The following ABCA5 variants were observed in gnomAD, a reference collection of about 807,000 sequenced individuals.
The protein encoded by ABCA5 is cholesterol transporter ABCA5.
In ABCA5, 163 loss-of-function variants were observed where a neutral mutation model predicts 206.0. The observed-to-expected ratio is 0.79, with a 90% CI of 0.70 to 0.90. The LOEUF (loss-of-function observed/expected upper bound fraction) is 0.90. Ranked by LOEUF, ABCA5 falls within the 40% of genes least tolerant of loss-of-function variation. The pLI, the probability that ABCA5 is intolerant of heterozygous loss-of-function variation, is 0.00. For synonymous variants in ABCA5, 609 were observed against 613.8 expected, an observed-to-expected ratio of 0.99 and a Z score of 0.11; for missense variants, 1,859 against 1,912.9, an observed-to-expected ratio of 0.97 and a Z score of 0.53.
At chr17:69,286,062 T>A (rs1203791764) in intron 16 of ABCA5, 25 bp from the exon 17 acceptor site, 14 of 1,594,952 alleles carry the variant, frequency 8.8e-6, no homozygotes, top group Non-Finnish European at 1.2e-5. Flanking sequence ...AAATCACAAT[T>A]AATGATTATA....
At chr17:69,265,115 T>G (rs983868752) in intron 23 of ABCA5, among the ~76,000 whole-genome samples, 2 of 152,074 alleles carry the variant, frequency 1.3e-5, no homozygotes, top group Non-Finnish European at 2.9e-5. Context: ...ATGTAACAAT[T>G]TCAACAAAAT....
chr17:69,287,498 G>A, intron 15 of ABCA5, 115 bp downstream of exon 15: 1 of 1,345,276 alleles, frequency 7.4e-7, no homozygotes. Context: ...TTTTGTGAAG[G>A]AAACATACCA....
rs1231269768 is a variant in ABCA5 at position 69,286,106 on chromosome 17, T to C, written c.2133-69A>G. On this transcript the variant is annotated intron_variant, in intron 16 of 38. Transcript: ENST00000392676. ...AGCCAAAAGTAAATTATGAAGGCTTTAAATTAAATTTAGTACCATAAATGA... is the reference window on the plus strand; with the variant it reads ...AGCCAAAAGTAAATTATGAAGGCTTCAAATTAAATTTAGTACCATAAATGA... The C allele has an allele frequency of 3.2e-6, 5 of 1,562,846 alleles. No individual in the cohort carries two copies. In the Admixed American group the frequency reaches 7.7e-5, roughly 24 times the overall value.
chr17:69,303,798 A>ATATATATATACATACATATATATATATG (rs2075680223), intron 7 of ABCA5, among the ~76,000 whole-genome samples: 1 of 7,644 alleles, frequency 1.3e-4, no homozygotes, highest in African/African-American at 1.5e-4. Flanking sequence ...ATATATATAT[A>ATATATATATACATACATATATATATATG]TATATATATA....
intron 9 of ABCA5, among the ~76,000 whole-genome samples, chr17:69,300,408 G>C (rs2145007923): frequency 6.6e-6 from 1 of 152,284 alleles, no homozygotes; most frequent in Admixed American, 6.5e-5. Flanking sequence ...CTCACAGGCA[G>C]CTAGTAAGAT....
intron 11 of ABCA5, among the ~76,000 whole-genome samples, chr17:69,294,331 T>C (rs1038528839): frequency 3.9e-5 from 6 of 152,104 alleles, no homozygotes; most frequent in Non-Finnish European, 5.9e-5. Flanking sequence ...GAGACCAGCC[T>C]GGCCAACTTG....
rs553651672 is a variant in ABCA5, at chr17:69,301,255, G to A, written c.1151C>T (p.Ala384Val). Residue 384 changes from alanine (A) to valine (V), a missense_variant, in exon 9 of 39, where the codon GCT becomes GTT. Ala to Val is a moderately conservative substitution (Grantham distance 64). Coordinates refer to ENST00000392676, the MANE Select transcript of ABCA5 (RefSeq NM_172232.4). ...VMHLEDFNEGASFSNLTAGPY... is the reference protein window; with the variant it reads ...VMHLEDFNEGVSFSNLTAGPY... ...GCCTGCAGTCAAATTTGAAAATGAA[G>A]CACCTTCATTAAAATCTTCTAAATG... 2 of 1,594,970 alleles carry A rather than the reference G, an allele frequency of 1.3e-6. No individual in the cohort carries two copies. The highest frequency in any genetic ancestry group is 1.7e-6 in the Non-Finnish European group (2 of 1,175,536).
Position 69,318,240 on chromosome 17 carries a change from G to A in ABCA5, c.-15-3810C>T, listed in dbSNP as rs533652182. The stretch of plus-strand genomic sequence containing the variant: ...CTCCCAAGTAACTGGGATTACAGGC[G>A]CCTGCCACCATGCTCAGCTAATTTT... On this transcript the variant is annotated intron_variant, in intron 1 of 38. Transcript: ENST00000392676. Among the ~76,000 whole-genome samples, 18 of 151,876 alleles carry A rather than the reference G, an allele frequency of 1.2e-4. No homozygotes were observed. In the South Asian group the frequency reaches 1.5e-3, roughly 12 times the overall value.
intron 20 of ABCA5, among the ~76,000 whole-genome samples, chr17:69,273,542 G>A (rs866701542): frequency 4.0e-5 from 6 of 151,612 alleles, no homozygotes; most frequent in Non-Finnish European, 5.9e-5. Flanking sequence ...TGCAACCTCC[G>A]CCTCCCGGGT....
At chr17:69,268,264 T>C (rs1308069637) in intron 22 of ABCA5, among the ~76,000 whole-genome samples, 1 of 152,128 alleles carries the variant, frequency 6.6e-6, no homozygotes, top group African/African-American at 2.4e-5. Context: ...CTGCCACTTA[T>C]TAATAACTAT....
At position 69,308,301 on chromosome 17, in the gene ABCA5, G is replaced by A. The variant is rs775791059; in HGVS notation, c.537C>T (p.Ser179=). 8 of 1,606,472 alleles carry A rather than the reference G, an allele frequency of 5.0e-6. No individual in the cohort carries two copies. The highest frequency in any genetic ancestry group is 6.8e-6 in the Non-Finnish European group (8 of 1,173,804). ...TTACCTGTATAATGGCAGCATCTATGGATGCTTGTAAAACTGTGAAACCTG... is the reference window on the plus strand; with the variant it reads ...TTACCTGTATAATGGCAGCATCTATAGATGCTTGTAAAACTGTGAAACCTG... ...WSSGFTVLQA[S]IDAAIIQLKT... is the part of the protein sequence containing the mutation. Residue 179 remains serine, a synonymous_variant, in exon 5 of 39, where the codon TCC becomes TCT. Transcript: ENST00000392676.
At chr17:69,260,114 GAATT>G (rs1250888222) in intron 27 of ABCA5, among the ~76,000 whole-genome samples, 2 of 151,760 alleles carry the variant, frequency 1.3e-5, no homozygotes, top group Admixed American at 6.6e-5. Flanking sequence ...TAATTAAACA[GAATT>G]AATAACATGT....
chr17:69,286,212 G>A lies in ABCA5; in HGVS notation c.2132+9C>T. 1 of 1,599,636 alleles carries A rather than the reference G, an allele frequency of 6.3e-7. No homozygotes were observed. Among genetic ancestry groups the A allele is most frequent in the Non-Finnish European group, 8.5e-7 (1 of 1,174,110 alleles). On this transcript the variant is annotated intron_variant, in intron 16 of 38. Coordinates refer to ENST00000392676, the MANE Select transcript of ABCA5 (RefSeq NM_172232.4). ...AATATAGAATAATGTCAATAAAAATGAATGATACCTCAGGCGGTAGCCGAT... is the reference window on the plus strand; with the variant it reads ...AATATAGAATAATGTCAATAAAAATAAATGATACCTCAGGCGGTAGCCGAT...
chr17:69,316,295 C>A (rs1326730740), intron 1 of ABCA5, among the ~76,000 whole-genome samples: 1 of 152,144 alleles, frequency 6.6e-6, no homozygotes. Flanking sequence ...GAGTTCAAGA[C>A]CAGCCTGGCC....
At chr17:69,309,920 C>CTCA (rs369563735) in intron 3 of ABCA5, among the ~76,000 whole-genome samples, 67 of 152,192 alleles carry the variant, frequency 4.4e-4, no homozygotes, top group African/African-American at 1.6e-3. Context: ...GCAGACACTA[C>CTCA]TCAGCTGTCA....
intron 22 of ABCA5, among the ~76,000 whole-genome samples, 171 bp from the exon 23 acceptor site, chr17:69,268,227 A>G (rs1287408578): frequency 6.6e-6 from 1 of 152,148 alleles, no homozygotes; most frequent in Admixed American, 6.6e-5. Flanking sequence ...ATGTATTAAC[A>G]GGTGGTTGTG....
At chr17:69,282,007 TAAG>T (rs1287482218) in intron 18 of ABCA5, among the ~76,000 whole-genome samples, 1 of 152,160 alleles carries the variant, frequency 6.6e-6, no homozygotes, top group African/African-American at 2.4e-5. Context: ...CCTTCGATCA[TAAG>T]AAAGTTTCCT....
intron 10 of ABCA5, 55 bp from the exon 11 acceptor site, chr17:69,294,768 GTTTA>G: frequency 8.5e-7 from 1 of 1,183,264 alleles, no homozygotes; most frequent in Non-Finnish European, 1.2e-6. Context: ...AAGTATGTGT[GTTTA>G]TTTACCATGC....
chr17:69,323,870 A>G (rs1270788789), intron 1 of ABCA5, among the ~76,000 whole-genome samples: 1 of 152,204 alleles, frequency 6.6e-6, no homozygotes, highest in Non-Finnish European at 1.5e-5. Context: ...CTGCTTCTGC[A>G]TTTTTAAAAG....
Sources: allele counts gnomAD v4.1 joint callset (sites outside exome capture counted in the v4.1 genomes callset), GRCh38; gene constraint gnomAD v4.1.1; transcripts MANE v1.5; gene names NCBI Gene and HGNC (gene_info 2026-07-23, HGNC 2026-07-21).